MSRA: variants seen among roughly 807,000 people sequenced by gnomAD.
The protein encoded by MSRA is mitochondrial peptide methionine sulfoxide reductase.
A neutral mutation model predicts 31.3 loss-of-function variants in MSRA; 54 were observed. The observed-to-expected ratio is 1.73, with a 90% CI of 1.39 to 2.17. The LOEUF (loss-of-function observed/expected upper bound fraction) is 2.17, where lower values mean the gene tolerates loss of function less well. Among genes scored for constraint, MSRA ranks in the 30% most tolerant of loss-of-function variants. MSRA has a pLI of 0.00. For synonymous variants in MSRA, 169 were observed against 116.5 expected, an observed-to-expected ratio of 1.45 and a Z score of -2.90; for missense variants, 507 against 300.9, an observed-to-expected ratio of 1.69 and a Z score of -5.07.
At chr8:10,306,432 G>T (rs1274032287) in intron 4 of MSRA, among the ~76,000 whole-genome samples, 1 of 151,874 alleles carries the variant, frequency 6.6e-6, no homozygotes. Context: ...CATCTGTGTT[G>T]CCCTTGATTC....
chr8:10,194,219 C>G (rs1254768579), intron 1 of MSRA, among the ~76,000 whole-genome samples: 2 of 152,166 alleles, frequency 1.3e-5, no homozygotes, highest in Non-Finnish European at 2.9e-5. Context: ...TCTTTTATTT[C>G]TATCCAAAAT....
chr8:10,236,117 A>C (rs1473818500), intron 2 of MSRA, among the ~76,000 whole-genome samples: 1 of 152,190 alleles, frequency 6.6e-6, no homozygotes, highest in Non-Finnish European at 1.5e-5. Flanking sequence ...AATGGAAGGA[A>C]ACTTTCTCAA....
intron 5 of MSRA, among the ~76,000 whole-genome samples, chr8:10,370,428 A>G (rs953827132): frequency 6.6e-6 from 1 of 152,332 alleles, no homozygotes; most frequent in East Asian, 1.9e-4. Context: ...TTAGGCAGAG[A>G]ATGACCCAGT....
chr8:10,064,565 ATAAATACATTAAAATACAAAATT>A (rs1349836225), intron 1 of MSRA, among the ~76,000 whole-genome samples: 1 of 152,238 alleles, frequency 6.6e-6, no homozygotes, highest in Admixed American at 6.5e-5. Flanking sequence ...TTAGATGATT[ATAAATACATTAAAATACAAAATT>A]TAGGAACATC....
At chr8:10,064,961 A>C (rs191199515) in intron 1 of MSRA, among the ~76,000 whole-genome samples, 1 of 152,308 alleles carries the variant, frequency 6.6e-6, no homozygotes. Context: ...TGTTGTTAGC[A>C]GTTGAAAACC....
chr8:10,354,511 A>C (rs1330563851), intron 5 of MSRA, among the ~76,000 whole-genome samples: 1 of 152,182 alleles, frequency 6.6e-6, no homozygotes, highest in African/African-American at 2.4e-5. Context: ...ACCTTTGCTA[A>C]TCATATTTTA....
intron 5 of MSRA, among the ~76,000 whole-genome samples, chr8:10,325,968 GT>G (rs1182208333): frequency 6.6e-6 from 1 of 152,174 alleles, no homozygotes; most frequent in Non-Finnish European, 1.5e-5. Flanking sequence ...GAAACATTTA[GT>G]TTGATTTCTA....
chr8:10,345,773 A>C (rs1803731600), intron 5 of MSRA, among the ~76,000 whole-genome samples: 1 of 152,186 alleles, frequency 6.6e-6, no homozygotes, highest in Admixed American at 6.5e-5. Context: ...CTGGCAAATC[A>C]AGATGTGTTT....
intron 1 of MSRA, among the ~76,000 whole-genome samples, chr8:10,131,951 A>T (rs1372020489): frequency 6.6e-6 from 1 of 152,244 alleles, no homozygotes; most frequent in Non-Finnish European, 1.5e-5. Flanking sequence ...ATGACTGAAG[A>T]AGAACTGAAT....
At chr8:10,090,647 C>A (rs955315709) in intron 1 of MSRA, among the ~76,000 whole-genome samples, 2 of 152,206 alleles carry the variant, frequency 1.3e-5, no homozygotes, top group African/African-American at 4.8e-5. Flanking sequence ...ATGTTTGGTT[C>A]ACTCCAAAAG....
chr8:10,283,608 G>C (rs955599888), intron 3 of MSRA, among the ~76,000 whole-genome samples: 3 of 150,846 alleles, frequency 2.0e-5, no homozygotes, highest in Admixed American at 1.3e-4. Flanking sequence ...CTTTCCCCCT[G>C]AGTCCCCAAA....
intron 5 of MSRA, among the ~76,000 whole-genome samples, chr8:10,356,786 G>T (rs773271393): frequency 1.3e-5 from 2 of 151,104 alleles, no homozygotes; most frequent in African/African-American, 4.9e-5. Flanking sequence ...AAATAAATTC[G>T]TGTTGTTCAT....
At chr8:10,400,754 G>A (rs1213520590) in intron 5 of MSRA, among the ~76,000 whole-genome samples, 3 of 152,180 alleles carry the variant, frequency 2.0e-5, no homozygotes, top group East Asian at 3.9e-4. Context: ...GCCATTCAGT[G>A]GGGAAAGGAC....
chr8:10,299,586 T>C (rs1013160682), intron 3 of MSRA, among the ~76,000 whole-genome samples: 1 of 152,018 alleles, frequency 6.6e-6, no homozygotes, highest in South Asian at 2.1e-4. Flanking sequence ...AATAACCCAG[T>C]ATAAAAGGAC....
chr8:10,241,248 G>A (rs1437146915), intron 2 of MSRA, among the ~76,000 whole-genome samples: 2 of 151,950 alleles, frequency 1.3e-5, no homozygotes, highest in Non-Finnish European at 2.9e-5. Context: ...GTCGATTCTG[G>A]GACTGGGGTA....
rs191670745 is a variant in MSRA, at chr8:10,291,291, G to T, written c.332-10243G>T. Among the ~76,000 whole-genome samples, 113 of 151,952 alleles carry T rather than the reference G, an allele frequency of 7.4e-4. 2 individuals carry two copies. Among genetic ancestry groups the T allele is most frequent in the Middle Eastern group, 3.4e-3 (1 of 294 alleles). Reference sequence around the variant, plus strand: ...AAATTCTCCATCGTGTCTCCCCATGGCGGGCCAACAACAACAAAAAATTCA... The same window carrying T: ...AAATTCTCCATCGTGTCTCCCCATGTCGGGCCAACAACAACAAAAAATTCA... On this transcript the variant is annotated intron_variant, in intron 3 of 5. Transcript: ENST00000317173.
intron 2 of MSRA, among the ~76,000 whole-genome samples, chr8:10,224,885 C>T (rs544415090): frequency 5.1e-4 from 78 of 152,312 alleles, no homozygotes; most frequent in African/African-American, 1.8e-3. Context: ...GCGCAGTGGG[C>T]TCACACCTGT....
chr8:10,385,757 G>C (rs1414348162), intron 5 of MSRA, among the ~76,000 whole-genome samples: 1 of 145,876 alleles, frequency 6.9e-6, no homozygotes, highest in East Asian at 2.0e-4. Flanking sequence ...ACATTTACCT[G>C]GTTTCTGCAG....
At chr8:10,169,279 C>T (rs1352642056) in intron 1 of MSRA, among the ~76,000 whole-genome samples, 1 of 152,198 alleles carries the variant, frequency 6.6e-6, no homozygotes, top group Non-Finnish European at 1.5e-5. Context: ...TACCAACCTG[C>T]ATTTCTTCAT....
Sources: allele counts gnomAD v4.1 joint callset (sites outside exome capture counted in the v4.1 genomes callset), GRCh38; gene constraint gnomAD v4.1.1; transcripts MANE v1.5; gene names NCBI Gene and HGNC (gene_info 2026-07-23, HGNC 2026-07-21).